The following PRKAG2 variants were observed in gnomAD, a reference collection of about 807,000 sequenced individuals.
The protein encoded by PRKAG2 is 5'-AMP-activated protein kinase subunit gamma-2.
Under a neutral mutation model 69.6 loss-of-function variants are expected in PRKAG2, and 26 were observed. The ratio of observed to expected loss-of-function variants is 0.37; its 90% CI spans 0.27 to 0.52. The LOEUF (loss-of-function observed/expected upper bound fraction) is 0.52, where lower values mean the gene tolerates loss of function less well. Ranked by LOEUF, PRKAG2 falls within the 20% of genes least tolerant of loss-of-function variation. The pLI is 0.90. For missense variants in PRKAG2, 557 were observed against 740.0 expected, an observed-to-expected ratio of 0.75 and a Z score of 2.87; for synonymous variants, 293 against 285.0, an observed-to-expected ratio of 1.03 and a Z score of -0.28.
At chr7:151,773,023 A>AAGAAAGAAAGAGAGAGAG (rs1563639223) in intron 3 of PRKAG2, among the ~76,000 whole-genome samples, 1 of 55,056 alleles carries the variant, frequency 1.8e-5, no homozygotes, top group Non-Finnish European at 3.5e-5. Context: ...GAAAGAAAGA[A>AAGAAAGAAAGAGAGAGAG]AGAGAGAGAG....
intron 3 of PRKAG2, among the ~76,000 whole-genome samples, chr7:151,725,233 C>G (rs561796825): frequency 6.6e-6 from 1 of 152,080 alleles, no homozygotes; most frequent in Non-Finnish European, 1.5e-5. Context: ...CACCCGCCAC[C>G]CACACACACG....
chr7:151,873,019 G>A (rs761125961), intron 1 of PRKAG2, among the ~76,000 whole-genome samples: 2 of 152,208 alleles, frequency 1.3e-5, no homozygotes, highest in African/African-American at 2.4e-5. Flanking sequence ...ATTGTATGGC[G>A]CATACCTATG....
rs1563756202 is a variant in PRKAG2 at position 151,854,948 on chromosome 7, AC to A, written c.114+21558del. On this transcript the variant is annotated intron_variant, in intron 1 of 15. Transcript: ENST00000287878. ...CCACTTTACACACACACCACCCTCC[AC>A]CACTCTCCACATACCACCCTCCACA... is the stretch of plus-strand genomic sequence containing the variant. Among the ~76,000 whole-genome samples, 79 of 143,968 alleles carry A rather than the reference AC, an allele frequency of 5.5e-4. 1 individual carries two copies. The highest frequency in any genetic ancestry group is 9.1e-4 in the Non-Finnish European group (59 of 65,048). The allele number at this position is 143,968 out of a possible 152,430, so 94.4% of individuals were successfully genotyped here.
chr7:151,682,934 G>A (rs1834102094), intron 3 of PRKAG2, among the ~76,000 whole-genome samples: 1 of 152,226 alleles, frequency 6.6e-6, no homozygotes, highest in South Asian at 2.1e-4. Context: ...AGGCAGAACT[G>A]GGCCATGGCC....
chr7:151,567,205 G>A lies in PRKAG2; in HGVS notation c.1234-1320C>T, dbSNP rs929316202. On this transcript the variant is annotated intron_variant, in intron 11 of 15. Transcript: ENST00000287878. This position sits in a 1 kb window ranked among gnomAD's most constrained non-coding sequence, Gnocchi z 4.2. ...TCCTGTGTATGCAAGGTATGCAAAC[G>A]CCTCCCTCCCAAGGCCCCTGCGTGG... Among the ~76,000 whole-genome samples the A allele has an allele frequency of 5.9e-5, 9 of 152,208 alleles. No individual in the cohort carries two copies. The highest frequency in any genetic ancestry group is 4.1e-4 in the South Asian group (2 of 4,820).
intron 3 of PRKAG2, among the ~76,000 whole-genome samples, chr7:151,722,283 G>A (rs144484347): frequency 2.0e-5 from 3 of 152,230 alleles, no homozygotes; most frequent in Non-Finnish European, 4.4e-5. Context: ...TCCTCCTGAC[G>A]AGCTATGTTC....
intron 1 of PRKAG2, among the ~76,000 whole-genome samples, chr7:151,818,621 T>A (rs1345068941): frequency 2.0e-5 from 3 of 152,236 alleles, no homozygotes; most frequent in Non-Finnish European, 4.4e-5. Flanking sequence ...CCCCCTTTTA[T>A]GTGCCAATGC....
At chr7:151,608,860 G>GA (rs1818125698) in intron 5 of PRKAG2, among the ~76,000 whole-genome samples, 3 of 150,562 alleles carry the variant, frequency 2.0e-5, no homozygotes, top group South Asian at 2.1e-4. Context: ...ATGCACCTAT[G>GA]AAAGTGCCTC....
intron 1 of PRKAG2, among the ~76,000 whole-genome samples, chr7:151,871,935 G>A (rs913774777): frequency 7.9e-5 from 12 of 152,202 alleles, no homozygotes; most frequent in African/African-American, 2.4e-4. Context: ...GCCACCAAAT[G>A]ACCCCAGTCA....
At chr7:151,754,451 C>G (rs2074927616) in intron 3 of PRKAG2, among the ~76,000 whole-genome samples, 1 of 152,254 alleles carries the variant, frequency 6.6e-6, no homozygotes, top group Non-Finnish European at 1.5e-5. Context: ...CTGCCCTGGT[C>G]CGGAAGGCTC....
chr7:151,681,573 A>G (rs1340688780), intron 3 of PRKAG2, among the ~76,000 whole-genome samples: 1 of 152,118 alleles, frequency 6.6e-6, no homozygotes, highest in African/African-American at 2.4e-5. Context: ...AGAGTCTTGC[A>G]GCATCAACAC....
At chr7:151,775,150 A>C (rs2076277538) in intron 3 of PRKAG2, among the ~76,000 whole-genome samples, 1 of 152,220 alleles carries the variant, frequency 6.6e-6, no homozygotes, top group Admixed American at 6.5e-5. Flanking sequence ...CATGCTGGCC[A>C]AGGAGGGTGG....
intron 4 of PRKAG2, among the ~76,000 whole-genome samples, chr7:151,670,147 C>A (rs1031022758): frequency 4.6e-5 from 7 of 152,136 alleles, no homozygotes; most frequent in African/African-American, 1.7e-4. Context: ...CACCTGTGCA[C>A]ACACCTGCAT....
chr7:151,597,435 C>G (rs1814828619), intron 5 of PRKAG2, among the ~76,000 whole-genome samples: 1 of 152,116 alleles, frequency 6.6e-6, no homozygotes, highest in African/African-American at 2.4e-5. Context: ...GGGATTATAT[C>G]AAACTAAAAA....
At chr7:151,589,107 A>G (rs1284759744) in intron 6 of PRKAG2, among the ~76,000 whole-genome samples, 1 of 152,222 alleles carries the variant, frequency 6.6e-6, no homozygotes, top group Non-Finnish European at 1.5e-5. Flanking sequence ...CAGAGCAGGA[A>G]GAAGGGCTTG....
intron 4 of PRKAG2, among the ~76,000 whole-genome samples, chr7:151,647,741 TG>T: frequency 6.6e-6 from 1 of 152,274 alleles, no homozygotes; most frequent in South Asian, 2.1e-4. Flanking sequence ...TAGGATTGCA[TG>T]TAAGAAGTGA....
chr7:151,875,614 TAC>T (rs1554622417), intron 1 of PRKAG2, among the ~76,000 whole-genome samples: 1 of 139,910 alleles, frequency 7.1e-6, no homozygotes, highest in African/African-American at 2.6e-5. Flanking sequence ...TGTGTGTGTG[TAC>T]ACAAACATTT....
chr7:151,799,196 G>A lies in PRKAG2; in HGVS notation c.115-12655C>T, dbSNP rs187982537. Among the ~76,000 whole-genome samples the A allele has an allele frequency of 3.7e-4, 57 of 152,284 alleles. No individual in the cohort carries two copies. The East Asian group carries it at 0.011, about 28-fold the overall frequency. On this transcript the variant is annotated intron_variant, in intron 1 of 15. Coordinates refer to ENST00000287878, the MANE Select transcript of PRKAG2 (RefSeq NM_016203.4). ...CCAAGGCCCTTCTGTTACAGGTGGG[G>A]TAACAGATGTCCAGAGATTCAAGCA...
At chr7:151,859,467 C>T (rs1054467368) in intron 1 of PRKAG2, among the ~76,000 whole-genome samples, 1 of 152,214 alleles carries the variant, frequency 6.6e-6, no homozygotes, top group Non-Finnish European at 1.5e-5. Flanking sequence ...GTGAGGGCAG[C>T]GCCCAGCACA....
Sources: gnomAD v4.1 joint callset for allele counts (sites outside exome capture counted in the v4.1 genomes callset) on GRCh38, gnomAD v4.1.1 for gene constraint, Gnocchi (gnomAD v3.1) non-coding constraint, MANE v1.5 for transcripts, NCBI Gene and HGNC (gene_info 2026-07-23, HGNC 2026-07-21) for gene names.